The following XRCC5 variants were observed in gnomAD, a reference collection of about 807,000 sequenced individuals.
The protein encoded by XRCC5 is X-ray repair cross complementing 5.
XRCC5 carries 12 observed loss-of-function variants against 95.7 expected under a neutral mutation model. The observed-to-expected ratio is 0.13, with a 90% CI of 0.08 to 0.20. XRCC5 has a LOEUF of 0.20. Among genes scored for constraint, XRCC5 ranks in the 10% least tolerant of loss-of-function variants. The pLI, the probability that XRCC5 is intolerant of heterozygous loss-of-function variation, is 1.00. For missense variants in XRCC5, 595 were observed against 873.9 expected, an observed-to-expected ratio of 0.68 and a Z score of 4.02; for synonymous variants, 281 against 290.3, an observed-to-expected ratio of 0.97 and a Z score of 0.33.
intron 14 of XRCC5, among the ~76,000 whole-genome samples, chr2:216,149,474 T>A (rs1190151285): frequency 1.3e-5 from 2 of 152,208 alleles, no homozygotes; most frequent in Non-Finnish European, 1.5e-5. Flanking sequence ...AGACTGTCCC[T>A]AAAAATTCAC....
intron 16 of XRCC5, among the ~76,000 whole-genome samples, chr2:216,172,813 T>A (rs1004788401): frequency 6.6e-6 from 1 of 152,168 alleles, no homozygotes; most frequent in Admixed American, 6.5e-5. Flanking sequence ...TTGATAGGGA[T>A]TTTATTGAGT....
At chr2:216,192,139 C>T (rs1689625161) in intron 17 of XRCC5, among the ~76,000 whole-genome samples, 1 of 152,118 alleles carries the variant, frequency 6.6e-6, no homozygotes, top group Admixed American at 6.6e-5. Flanking sequence ...GCTGGGAATA[C>T]ATGCGCCTGC....
intron 16 of XRCC5, among the ~76,000 whole-genome samples, chr2:216,186,039 G>A (rs946989486): frequency 6.6e-6 from 1 of 152,168 alleles, no homozygotes; most frequent in African/African-American, 2.4e-5. Flanking sequence ...GAATTAAATT[G>A]GGAAATATCC....
chr2:216,172,830 A>G (rs963369990), intron 16 of XRCC5, among the ~76,000 whole-genome samples: 1 of 152,072 alleles, frequency 6.6e-6, no homozygotes, highest in Admixed American at 6.6e-5. Context: ...GAGTCTATAG[A>G]AGAGTTAAGG....
At chr2:216,131,941 C>T (rs1391521036) in intron 9 of XRCC5, among the ~76,000 whole-genome samples, 1 of 152,226 alleles carries the variant, frequency 6.6e-6, no homozygotes, top group East Asian at 1.9e-4. Context: ...TAAGTCTCGA[C>T]TTAGGTGTCA....
At chr2:216,127,858 C>T (rs897670450) in intron 8 of XRCC5, 184 bp downstream of exon 8, 1 of 497,180 alleles carries the variant, frequency 2.0e-6, no homozygotes, top group African/African-American at 2.0e-5. Flanking sequence ...AGGCAGGTTG[C>T]TTCTCAGGAG....
At chr2:216,183,930 T>C (rs958576438) in intron 16 of XRCC5, among the ~76,000 whole-genome samples, 1 of 152,036 alleles carries the variant, frequency 6.6e-6, no homozygotes, top group Non-Finnish European at 1.5e-5. Context: ...TTAAAGACCA[T>C]GCAACTAGAA....
Position 216,156,356 on chromosome 2 carries a change from C to T in XRCC5, c.1671-3712C>T, listed in dbSNP as rs74321772. On this transcript the variant is annotated intron_variant, in intron 14 of 20. Coordinates refer to ENST00000392132, the MANE Select transcript of XRCC5 (RefSeq NM_021141.4). ...TACCTTTCTGAAACAGTCTCTTCTGCTGTTGTGGGGTCTTTGGGCAACCCT... is the reference window on the plus strand; with the variant it reads ...TACCTTTCTGAAACAGTCTCTTCTGTTGTTGTGGGGTCTTTGGGCAACCCT... The T allele has an allele frequency of 7.0e-3, 4,873 of 700,692 alleles. 188 individuals are homozygous for T. In the African/African-American group the frequency reaches 0.078, roughly 11 times the overall value. 43.4% of individuals were successfully genotyped at this position (700,692 alleles called of 1,614,324 possible).
chr2:216,160,663 C>CTTAA (rs34464036), intron 15 of XRCC5, among the ~76,000 whole-genome samples: 23,626 of 150,222 alleles, frequency 0.16, 2,522 homozygotes, highest in East Asian at 0.54. Context: ...AAAATACTAC[C>CTTAA]TTAATTAATT....
intron 15 of XRCC5, 80 bp from the exon 16 acceptor site, chr2:216,161,899 A>G (rs1574472515): frequency 1.7e-6 from 2 of 1,167,632 alleles, no homozygotes; most frequent in African/African-American, 1.5e-5. Flanking sequence ...CACTTATTAC[A>G]TTAAGCCATC....
chr2:216,137,892 T>G (rs1194635729), intron 11 of XRCC5, among the ~76,000 whole-genome samples, 197 bp from the exon 12 acceptor site: 2 of 152,258 alleles, frequency 1.3e-5, no homozygotes, highest in Admixed American at 6.5e-5. Flanking sequence ...TCTCTTATGC[T>G]TAATATTCTT....
chr2:216,174,479 T>C (rs1286801862), intron 16 of XRCC5, among the ~76,000 whole-genome samples: 1 of 152,224 alleles, frequency 6.6e-6, no homozygotes, highest in Non-Finnish European at 1.5e-5. Context: ...GCATTTTAAG[T>C]TTCTGTACTA....
intron 7 of XRCC5, among the ~76,000 whole-genome samples, 200 bp downstream of exon 7, chr2:216,126,231 A>G (rs41299782): frequency 0.031 from 4,731 of 152,306 alleles, 94 homozygotes; most frequent in Non-Finnish European, 0.049. Context: ...ATTGTCTATA[A>G]TAGAGTTTGA....
chr2:216,154,266 T>TC (rs1158004664), intron 14 of XRCC5, among the ~76,000 whole-genome samples: 1 of 152,234 alleles, frequency 6.6e-6, no homozygotes, highest in Non-Finnish European at 1.5e-5. Context: ...ATTAGTTCTT[T>TC]CCCTTTACTG....
intron 12 of XRCC5, among the ~76,000 whole-genome samples, chr2:216,139,225 G>T (rs1187674338): frequency 6.6e-6 from 1 of 152,080 alleles, no homozygotes. Flanking sequence ...TAGCTTACTG[G>T]AGCCTCAAAC....
chr2:216,116,538 C>A, intron 2 of XRCC5, 121 bp from the exon 3 acceptor site: 1 of 1,059,042 alleles, frequency 9.4e-7, no homozygotes, highest in Non-Finnish European at 1.4e-6. Context: ...CCGCCCAATA[C>A]TATATGGCCC....
chr2:216,162,630 G>T (rs1296523423), intron 16 of XRCC5, among the ~76,000 whole-genome samples: 1 of 152,066 alleles, frequency 6.6e-6, no homozygotes, highest in Non-Finnish European at 1.5e-5. Flanking sequence ...GACCTCAGGT[G>T]ATCTGCCAGC....
intron 14 of XRCC5, among the ~76,000 whole-genome samples, chr2:216,152,308 G>A (rs1688758814): frequency 6.6e-6 from 1 of 152,138 alleles, no homozygotes. Context: ...GGCTGTGGTG[G>A]CACAAGCCTG....
intron 13 of XRCC5, among the ~76,000 whole-genome samples, chr2:216,146,948 AAAG>A (rs1327247061): frequency 6.6e-6 from 1 of 152,220 alleles, no homozygotes; most frequent in Non-Finnish European, 1.5e-5. Context: ...ATTCAGCAGT[AAAG>A]AAGAGAAGAG....
Sources: gnomAD v4.1 joint callset for allele counts (sites outside exome capture counted in the v4.1 genomes callset) on GRCh38, gnomAD v4.1.1 for gene constraint, MANE v1.5 for transcripts, NCBI Gene and HGNC (gene_info 2026-07-23, HGNC 2026-07-21) for gene names.